Variants in MLLT1 observed in about 807,000 individuals in gnomAD.
MLLT1 encodes MLLT1 super elongation complex subunit.
A neutral mutation model predicts 55.1 loss-of-function variants in MLLT1; 11 were observed. The observed-to-expected ratio is 0.20, with a 90% CI of 0.13 to 0.33. The LOEUF is 0.33. Ranked by LOEUF, MLLT1 falls within the 10% of genes least tolerant of loss-of-function variation. MLLT1 has a pLI of 1.00. For synonymous variants in MLLT1, 323 were observed against 320.1 expected, an observed-to-expected ratio of 1.01 and a Z score of -0.10; for missense variants, 536 against 760.6, an observed-to-expected ratio of 0.70 and a Z score of 3.47.
At chr19:6,242,449 C>T (rs193295270) in intron 3 of MLLT1, among the ~76,000 whole-genome samples, 3 of 152,272 alleles carry the variant, frequency 2.0e-5, no homozygotes, top group Admixed American at 6.5e-5. Context: ...TGGGAGGCCA[C>T]GGTGGACTGG....
Position 6,222,275 on chromosome 19 carries a change from G to A in MLLT1, c.956C>T (p.Ser319Phe), listed in dbSNP as rs1451740380. 1.9e-6 allele frequency: 3 copies of A among 1,612,104 alleles called. No homozygotes were observed. The Admixed American group carries it at 5.0e-5, about 27-fold the overall frequency. Residue 319 changes from serine (S) to phenylalanine (F), a missense_variant, in exon 6 of 12, where the codon TCC (serine) becomes TTC (phenylalanine). By Grantham distance (155) the Ser-to-Phe change is radical (BLOSUM62 -2). Transcript: ENST00000252674. The surrounding 1 kb of genome is among the most constrained non-coding windows in gnomAD (Gnocchi z 4.1). ...CTTGTCCGAGAAGGAGGAGGAGGAG[G>A]AGGTGCGGGGCGAGGTGCCTGGAGC... ...RSAPGTSPRT[S>F]SSSSFSDKKP...
At chr19:6,250,838 C>G (rs762474324) in intron 3 of MLLT1, among the ~76,000 whole-genome samples, 1 of 152,152 alleles carries the variant, frequency 6.6e-6, no homozygotes, top group Non-Finnish European at 1.5e-5. Flanking sequence ...GAGGTGGGAA[C>G]AGCCTGCATG....
chr19:6,264,554 A>G (rs1248330072), intron 2 of MLLT1, among the ~76,000 whole-genome samples: 3 of 152,088 alleles, frequency 2.0e-5, no homozygotes, highest in African/African-American at 7.2e-5. Flanking sequence ...CCAAGAGTCA[A>G]TGTCCTCAGA....
intron 10 of MLLT1, 28 bp downstream of exon 10, chr19:6,213,697 TC>T (rs755708619): frequency 2.4e-6 from 1 of 416,992 alleles, no homozygotes; most frequent in East Asian, 7.9e-5. Flanking sequence ...CTCCGTAGCC[TC>T]CCCGCCTTGT....
Position 6,213,927 on chromosome 19 carries a change from C to A in MLLT1, c.1407+12G>T, listed in dbSNP as rs1390995026. The A allele has an allele frequency of 6.8e-7, 1 of 1,461,588 alleles. No homozygotes were observed. Among genetic ancestry groups the A allele is most frequent in the African/African-American group, 1.4e-5 (1 of 70,562 alleles). The allele number at this position is 1,461,588 out of a possible 1,614,324, so 90.5% of individuals were successfully genotyped here. A position where few individuals can be genotyped will look rare whatever the true frequency, so the allele number is the denominator to read the frequency against. ...CTCTGGTGCACCCCCTGCCTGCAGG[C>A]CCCAGGCTCACCTTGCTGTTGGGCG... On this transcript the variant is annotated intron_variant, in intron 9 of 11. Transcript: ENST00000252674.
intron 3 of MLLT1, among the ~76,000 whole-genome samples, chr19:6,232,063 C>G (rs537794271): frequency 2.0e-5 from 3 of 152,244 alleles, no homozygotes; most frequent in African/African-American, 7.2e-5. Context: ...TGGCGAAACC[C>G]TGTCTCCACT....
At chr19:6,215,930 A>C (rs2090838605) in intron 8 of MLLT1, among the ~76,000 whole-genome samples, 1 of 151,868 alleles carries the variant, frequency 6.6e-6, no homozygotes, top group African/African-American at 2.4e-5. Flanking sequence ...CCTGGGGAAA[A>C]GGCCACAGGC....
chr19:6,261,932 G>C (rs112977599), intron 3 of MLLT1, among the ~76,000 whole-genome samples: 1 of 152,192 alleles, frequency 6.6e-6, no homozygotes, highest in Admixed American at 6.5e-5. Flanking sequence ...AGCTGGCCCT[G>C]ACAGGGGATG....
Position 6,230,478 on chromosome 19 carries a change from C to G in MLLT1, c.420+92G>C. On this transcript the variant is annotated intron_variant, in intron 4 of 11. Coordinates refer to ENST00000252674, the MANE Select transcript of MLLT1 (RefSeq NM_005934.4). The surrounding 1 kb of genome is among the most constrained non-coding windows in gnomAD (Gnocchi z 9.0). ...GACCTGCGCCTTGGGTCTCGGCCCC[C>G]AGCACCGACACCTCTGGCTGGGCAC... is the stretch of plus-strand genomic sequence containing the variant. 5.3e-6 allele frequency: 8 copies of G among 1,503,820 alleles called. No homozygotes were observed. The highest frequency in any genetic ancestry group is 7.2e-6 in the Non-Finnish European group (8 of 1,110,824). 93.2% of individuals were successfully genotyped at this position (1,503,820 alleles called of 1,614,324 possible).
intron 3 of MLLT1, among the ~76,000 whole-genome samples, chr19:6,245,208 CCTTTCTTT>C (rs145860967): frequency 0.022 from 3,341 of 149,738 alleles, 118 homozygotes; most frequent in East Asian, 0.13. Context: ...TTCTTTTTTT[CCTTTCTTT>C]CTTTCTTTCT....
At position 6,213,102 on chromosome 19, in the gene MLLT1, G is replaced by A. The variant is rs1474625934; in HGVS notation, c.1620C>T (p.Phe540=). Residue 540 remains phenylalanine (F), a synonymous_variant, in exon 12 of 12, where the codon TTC becomes TTT. Transcript: ENST00000252674. The stretch of plus-strand genomic sequence containing the variant: ...TGCGCACGGTGGTCTCGTCCAGGGA[G>A]AAGAGGTCGAAGTCGAAGGTGGTGT... ...VTNTTFDFDL[F]SLDETTVRKL... is the part of the protein sequence containing the mutation. 2 of 1,613,976 alleles carry A rather than the reference G, an allele frequency of 1.2e-6. No homozygotes were observed. The highest frequency in any genetic ancestry group is 2.2e-5 in the South Asian group (2 of 91,080).
rs2091002004 is a variant in MLLT1 at position 6,230,818 on chromosome 19, T to A, written c.277-105A>T. 1.4e-6 allele frequency: 2 copies of A among 1,406,982 alleles called. No homozygotes were observed. The highest frequency in any genetic ancestry group is 9.7e-7 in the Non-Finnish European group (1 of 1,026,086). The allele number at this position is 1,406,982 out of a possible 1,614,324, so 87.2% of individuals were successfully genotyped here. On this transcript the variant is annotated intron_variant, in intron 3 of 11. Coordinates refer to ENST00000252674, the MANE Select transcript of MLLT1 (RefSeq NM_005934.4). This position sits in a 1 kb window ranked among gnomAD's most constrained non-coding sequence, Gnocchi z 9.0. ...TCCCCTCTCCCTCACTGGGCCTCTGTTCCCCTCCCTCCGATTTGCGCCCAC... is the reference window on the plus strand; with the variant it reads ...TCCCCTCTCCCTCACTGGGCCTCTGATCCCCTCCCTCCGATTTGCGCCCAC...
At chr19:6,236,898 T>G (rs1290096758) in intron 3 of MLLT1, among the ~76,000 whole-genome samples, 1 of 152,196 alleles carries the variant, frequency 6.6e-6, no homozygotes. Flanking sequence ...TGTGACCCAC[T>G]AATGTCAGTA....
chr19:6,217,929 C>G (rs1238602723), intron 7 of MLLT1, 25 bp downstream of exon 7: 1 of 1,579,644 alleles, frequency 6.3e-7, no homozygotes, highest in Admixed American at 1.9e-5. Context: ...CCCATCCGTG[C>G]CCCCCAGCTG....
At chr19:6,265,797 G>A (rs963357477) in intron 2 of MLLT1, among the ~76,000 whole-genome samples, 1 of 152,056 alleles carries the variant, frequency 6.6e-6, no homozygotes, top group Admixed American at 6.6e-5. Context: ...TGACCAACAT[G>A]GTGAAACCCT....
At chr19:6,228,705 G>A (rs575011411) in intron 4 of MLLT1, among the ~76,000 whole-genome samples, 1 of 152,130 alleles carries the variant, frequency 6.6e-6, no homozygotes, top group African/African-American at 2.4e-5. Context: ...CCACTGCCTG[G>A]TCCCGGGAAG....
Position 6,216,576 on chromosome 19 carries a change from C to A in MLLT1, c.1199-63G>T, listed in dbSNP as rs534456380. On this transcript the variant is annotated intron_variant, in intron 7 of 11. Transcript: ENST00000252674. ...CAGGGCTCCACTGAGCCTCCAGGGC[C>A]CCTCGCCCATGAGGCCACGCAGAGC... 3.4e-4 allele frequency: 430 copies of A among 1,256,100 alleles called. 1 individual carries two copies. The highest frequency in any genetic ancestry group is 4.6e-4 in the Non-Finnish European group (413 of 895,924). 77.8% of individuals were successfully genotyped at this position (1,256,100 alleles called of 1,614,324 possible). A position where few individuals can be genotyped will look rare whatever the true frequency, so the allele number is the denominator to read the frequency against.
chr19:6,263,936 G>C (rs2091325710), intron 2 of MLLT1, among the ~76,000 whole-genome samples: 2 of 150,626 alleles, frequency 1.3e-5, no homozygotes, highest in Non-Finnish European at 3.0e-5. Context: ...AGGGAGCACG[G>C]TGGGGGAGGA....
At chr19:6,265,438 A>G (rs1002529239) in intron 2 of MLLT1, among the ~76,000 whole-genome samples, 2 of 152,020 alleles carry the variant, frequency 1.3e-5, no homozygotes, top group Admixed American at 6.6e-5. Context: ...TGGGAGGCTG[A>G]GGAAGGCGAA....
Sources: allele counts gnomAD v4.1 joint callset (sites outside exome capture counted in the v4.1 genomes callset), GRCh38; gene constraint gnomAD v4.1.1; non-coding constraint Gnocchi (gnomAD v3.1); transcripts MANE v1.5; gene names NCBI Gene and HGNC (gene_info 2026-07-23, HGNC 2026-07-21).